CDKAL1: variants seen among roughly 807,000 people sequenced by gnomAD.
CDKAL1 encodes threonylcarbamoyladenosine tRNA methylthiotransferase.
Under a neutral mutation model 68.2 loss-of-function variants are expected in CDKAL1, and 32 were observed. That is an observed-to-expected ratio of 0.47 (90% CI 0.35 to 0.63). The LOEUF is 0.63. CDKAL1 is among the 30% of genes least tolerant of loss of function. The probability of loss-of-function intolerance (pLI) is 0.00; values close to 1 mark genes in which losing one functional copy is unlikely to be tolerated. For synonymous variants in CDKAL1, 234 were observed against 244.3 expected, an observed-to-expected ratio of 0.96 and a Z score of 0.39; for missense variants, 606 against 696.7, an observed-to-expected ratio of 0.87 and a Z score of 1.47.
chr6:21,041,923 G>A (rs1769956141), intron 11 of CDKAL1, among the ~76,000 whole-genome samples: 1 of 152,210 alleles, frequency 6.6e-6, no homozygotes, highest in South Asian at 2.1e-4. Flanking sequence ...TATTTACAGA[G>A]ATTCTGTTTT....
In CDKAL1 at chr6:21,019,822, T is replaced by C. The variant is rs570171058; in HGVS notation, c.1055+19450T>C. On this transcript the variant is annotated intron_variant, in intron 11 of 15. Transcript: ENST00000274695. ...TCACAAGCCACTAGGAGATGCTAAA[T>C]AACACTATGGCTATTTAGTTTACTT... Among the ~76,000 whole-genome samples the C allele has an allele frequency of 1.5e-4, 23 of 152,312 alleles. 1 individual carries two copies. The South Asian group carries it at 3.1e-3, about 21-fold the overall frequency.
At chr6:20,868,041 C>T (rs887646555) in intron 9 of CDKAL1, among the ~76,000 whole-genome samples, 9 of 92,794 alleles carry the variant, frequency 9.7e-5, no homozygotes, top group African/African-American at 1.6e-4. Flanking sequence ...TTTTGAGCTA[C>T]GTGTTACTTC....
intron 12 of CDKAL1, among the ~76,000 whole-genome samples, chr6:21,085,603 A>C (rs1260083134): frequency 6.6e-6 from 1 of 152,176 alleles, no homozygotes; most frequent in East Asian, 1.9e-4. Context: ...GTGAGGTATG[A>C]GATGTTTTTA....
chr6:20,949,171 C>T (rs1414990084), intron 9 of CDKAL1, among the ~76,000 whole-genome samples: 1 of 152,110 alleles, frequency 6.6e-6, no homozygotes, highest in Admixed American at 6.5e-5. Flanking sequence ...TTCTTTGTAA[C>T]TAAAAAGAAA....
intron 9 of CDKAL1, among the ~76,000 whole-genome samples, chr6:20,913,521 C>G (rs187342764): frequency 2.3e-4 from 35 of 152,318 alleles, no homozygotes; most frequent in African/African-American, 7.5e-4. Context: ...CCTGCCCCAG[C>G]TCTGTGGAAA....
At chr6:20,974,981 A>T (rs1309012349) in intron 10 of CDKAL1, among the ~76,000 whole-genome samples, 2 of 143,844 alleles carry the variant, frequency 1.4e-5, no homozygotes, top group Non-Finnish European at 3.0e-5. Flanking sequence ...CCTATCTCAA[A>T]AAAAAAAAAA....
chr6:20,816,412 G>A (rs1400119243), intron 8 of CDKAL1, among the ~76,000 whole-genome samples: 1 of 152,118 alleles, frequency 6.6e-6, no homozygotes, highest in Non-Finnish European at 1.5e-5. Context: ...GAGTGTATCA[G>A]CATTGCAATG....
chr6:20,943,519 G>T (rs1018388707), intron 9 of CDKAL1, among the ~76,000 whole-genome samples: 13 of 151,944 alleles, frequency 8.6e-5, no homozygotes, highest in African/African-American at 3.1e-4. Context: ...AGTGTGCTTG[G>T]TGTGGTTCTG....
At chr6:20,557,782 C>A (rs756616101) in intron 4 of CDKAL1, among the ~76,000 whole-genome samples, 1 of 152,060 alleles carries the variant, frequency 6.6e-6, no homozygotes, top group African/African-American at 2.4e-5. Flanking sequence ...CAAAAATTAG[C>A]CCAGCGTGGT....
chr6:20,608,064 A>G (rs1274567269), intron 4 of CDKAL1, among the ~76,000 whole-genome samples: 1 of 152,172 alleles, frequency 6.6e-6, no homozygotes, highest in African/African-American at 2.4e-5. Context: ...GCTGTTCCTG[A>G]AATAAATTAA....
chr6:20,831,176 A>G (rs549141642), intron 8 of CDKAL1, among the ~76,000 whole-genome samples: 22 of 152,270 alleles, frequency 1.4e-4, no homozygotes, highest in Admixed American at 3.9e-4. Flanking sequence ...ATTTTTGCCA[A>G]CGAGAAGTGT....
chr6:20,810,402 A>ATGT (rs1776753635), intron 8 of CDKAL1, among the ~76,000 whole-genome samples: 5 of 30,426 alleles, frequency 1.6e-4, no homozygotes, highest in East Asian at 2.3e-3. Flanking sequence ...TCACACACAC[A>ATGT]CACACACACA....
At position 20,995,782 on chromosome 6, in the gene CDKAL1, C is replaced by T. The variant is rs183845680; in HGVS notation, c.910-4445C>T. Among the ~76,000 whole-genome samples, 11 of 152,310 alleles carry T rather than the reference C, an allele frequency of 7.2e-5. No homozygotes were observed. The East Asian group carries it at 1.4e-3, about 19-fold the overall frequency. ...AGTCACCAGTTGCATTATCCCCTAA[C>T]AAGAGAGTCAGTCTTTATGTCCTCT... On this transcript the variant is annotated intron_variant, in intron 10 of 15. Transcript: ENST00000274695.
chr6:20,766,615 A>ATGTATTT (rs1285386158), intron 7 of CDKAL1, among the ~76,000 whole-genome samples: 2 of 152,210 alleles, frequency 1.3e-5, no homozygotes, highest in Admixed American at 1.3e-4. Context: ...CATGAAGGTG[A>ATGTATTT]GACTACAAGT....
intron 6 of CDKAL1, among the ~76,000 whole-genome samples, chr6:20,752,070 G>A (rs1434880613): frequency 6.7e-6 from 1 of 148,698 alleles, no homozygotes. Flanking sequence ...CCTCTTCCGC[G>A]TAACTCCCCC....
intron 13 of CDKAL1, among the ~76,000 whole-genome samples, chr6:21,137,597 G>A (rs1177353755): frequency 6.6e-6 from 1 of 152,056 alleles, no homozygotes; most frequent in Non-Finnish European, 1.5e-5. Context: ...CGTATAGAAT[G>A]GGATTTTTTT....
chr6:20,713,373 T>G (rs1771937841), intron 5 of CDKAL1, among the ~76,000 whole-genome samples: 1 of 152,210 alleles, frequency 6.6e-6, no homozygotes, highest in African/African-American at 2.4e-5. Context: ...ATAATACTCG[T>G]ATCTTAATTA....
At chr6:20,645,421 G>T (rs1387245636) in intron 4 of CDKAL1, among the ~76,000 whole-genome samples, 1 of 151,994 alleles carries the variant, frequency 6.6e-6, no homozygotes, top group Non-Finnish European at 1.5e-5. Context: ...TATTGTTTAA[G>T]TGTTTAAAAT....
At chr6:21,072,676 C>CTTTTTTTT (rs66763305) in intron 12 of CDKAL1, among the ~76,000 whole-genome samples, 49 of 130,954 alleles carry the variant, frequency 3.7e-4, no homozygotes, top group South Asian at 7.4e-4. Context: ...AATAGAGTAT[C>CTTTTTTTT]TTTTTTTTTT....
Sources: gnomAD v4.1 joint callset for allele counts (sites outside exome capture counted in the v4.1 genomes callset) on GRCh38, gnomAD v4.1.1 for gene constraint, MANE v1.5 for transcripts, NCBI Gene and HGNC (gene_info 2026-07-23, HGNC 2026-07-21) for gene names.